Variants in IBTK observed in about 807,000 individuals in gnomAD.
IBTK encodes the protein BTK-binding protein.
A neutral mutation model predicts 154.9 loss-of-function variants in IBTK; 83 were observed. That is an observed-to-expected ratio of 0.54 (90% CI 0.45 to 0.64). The LOEUF (loss-of-function observed/expected upper bound fraction) is 0.64. IBTK is among the 30% of genes least tolerant of loss of function. The probability of loss-of-function intolerance (pLI) is 0.00; values close to 1 mark genes in which losing one functional copy is unlikely to be tolerated. For missense variants in IBTK, 1,332 were observed against 1,584.6 expected, an observed-to-expected ratio of 0.84 and a Z score of 2.71; for synonymous variants, 515 against 536.1, an observed-to-expected ratio of 0.96 and a Z score of 0.54.
intron 1 of IBTK, among the ~76,000 whole-genome samples, chr6:82,243,065 C>T (rs1186037254): frequency 5.9e-5 from 9 of 151,788 alleles, no homozygotes; most frequent in Non-Finnish European, 1.2e-4. Flanking sequence ...CACGGTGAAA[C>T]CTCGTCTCTA....
intron 4 of IBTK, among the ~76,000 whole-genome samples, chr6:82,229,972 A>C (rs1770446851): frequency 6.6e-6 from 1 of 152,136 alleles, no homozygotes; most frequent in Admixed American, 6.6e-5. Flanking sequence ...TAGTTTAAAA[A>C]ATAGTGTTCT....
In IBTK at chr6:82,194,510, T is replaced by C; in HGVS notation, c.3307A>G (p.Ser1103Gly). 2.5e-6 allele frequency: 4 copies of C among 1,598,968 alleles called. No homozygotes were observed. The highest frequency in any genetic ancestry group is 3.4e-6 in the Non-Finnish European group (4 of 1,172,686). ...GAACCAGCAACCCAACTGGCAGAGC[T>C]GGTAGTATCAATTCTGTTACTGGGA... is the stretch of plus-strand genomic sequence containing the variant. Reference protein sequence around the residue: ...PIPSNRIDTTSSASWVAGSFS... With the variant: ...PIPSNRIDTTGSASWVAGSFS... The change falls in exon 23 of 29, where the codon AGC (serine) becomes GGC (glycine). Residue 1103 changes from serine to glycine, a missense_variant. Transcript: ENST00000306270.
At chr6:82,208,054 C>A (rs1769476405) in intron 16 of IBTK, among the ~76,000 whole-genome samples, 2 of 150,482 alleles carry the variant, frequency 1.3e-5, no homozygotes, top group Non-Finnish European at 2.9e-5. Flanking sequence ...AGCATGGCCA[C>A]TACACTGATA....
chr6:82,194,648 G>GA lies in IBTK; in HGVS notation c.3175-7dup, dbSNP rs1272215299. ...ACATACGGTTTGACTTTCGCCTGGG[G>GA]AGAGAAAAAAAATAAAAAAAGTTAA... On this transcript the variant is annotated splice_region_variant and splice_polypyrimidine_tract_variant and intron_variant, in intron 22 of 28. Transcript: ENST00000306270. 5.1e-6 allele frequency: 8 copies of GA among 1,553,758 alleles called. No individual in the cohort carries two copies. Among genetic ancestry groups the GA allele is most frequent in the African/African-American group, 1.4e-5 (1 of 71,880 alleles).
chr6:82,231,860 T>C lies in IBTK; in HGVS notation c.419-18A>G. 7.2e-7 allele frequency: 1 copy of C among 1,385,268 alleles called. No homozygotes were observed. The highest frequency in any genetic ancestry group is 9.9e-7 in the Non-Finnish European group (1 of 1,008,596). The allele number at this position is 1,385,268 out of a possible 1,614,324, so 85.8% of individuals were successfully genotyped here. On this transcript the variant is annotated intron_variant, in intron 3 of 28. Coordinates refer to ENST00000306270, the MANE Select transcript of IBTK (RefSeq NM_015525.4). ...TGTAGGATCTAAAATAAAAATTAGT[T>C]TTTATACTTTTTTATATTTTAAAAC...
intron 26 of IBTK, among the ~76,000 whole-genome samples, chr6:82,180,845 T>C (rs1768294887): frequency 6.6e-6 from 1 of 152,206 alleles, no homozygotes. Flanking sequence ...CCAGTCTCTG[T>C]TCCTTGCTTC....
chr6:82,246,965 CTA>C (rs1200425520), intron 1 of IBTK, among the ~76,000 whole-genome samples: 2 of 152,164 alleles, frequency 1.3e-5, no homozygotes, highest in African/African-American at 2.4e-5. Flanking sequence ...CAAGGACGGC[CTA>C]TGTTACCTAA....
At chr6:82,174,915 C>T in intron 26 of IBTK, 1 of 453,844 alleles carries the variant, frequency 2.2e-6, no homozygotes, top group Admixed American at 2.4e-5. Flanking sequence ...TTTACTATTC[C>T]CCTTATTCTG....
intron 26 of IBTK, among the ~76,000 whole-genome samples, chr6:82,178,306 T>C (rs187281594): frequency 2.6e-5 from 4 of 152,352 alleles, no homozygotes; most frequent in Non-Finnish European, 4.4e-5. Flanking sequence ...AGTGATCAAC[T>C]ATGAAACCAC....
chr6:82,227,044 A>G, intron 5 of IBTK, 148 bp downstream of exon 5: 2 of 534,094 alleles, frequency 3.7e-6, no homozygotes, highest in South Asian at 5.7e-5. Context: ...TAAACATGAT[A>G]TATCAGGAAA....
At chr6:82,190,450 G>A (rs1768723781) in intron 25 of IBTK, among the ~76,000 whole-genome samples, 1 of 152,144 alleles carries the variant, frequency 6.6e-6, no homozygotes, top group African/African-American at 2.4e-5. Flanking sequence ...AGAAAAGGAA[G>A]GATGGAACGG....
chr6:82,201,430 G>A lies in IBTK; in HGVS notation c.2782C>T (p.Arg928Trp), dbSNP rs1239995570. The A allele has an allele frequency of 1.1e-5, 17 of 1,606,844 alleles. No individual in the cohort carries two copies. The highest frequency in any genetic ancestry group is 3.4e-5 in the Admixed American group (2 of 59,362). ...GVLKDLSEFY[R>W]KMIPAMDRRV... ...TAAAACATAAACCTTACCATTTTCC[G>A]GTAAAACTCAGAAAGATCCTTCAAA... Residue 928 changes from arginine (R) to tryptophan (W), a missense_variant, in exon 19 of 29, where the codon CGG (arginine) becomes TGG (tryptophan). Transcript: ENST00000306270.
At chr6:82,205,558 A>T (rs1769374190) in intron 16 of IBTK, 1 of 152,322 alleles carries the variant, frequency 6.6e-6, no homozygotes. Context: ...ACTTAAGACC[A>T]GGAGTTTGAG....
intron 3 of IBTK, 22 bp from the exon 4 acceptor site, chr6:82,231,864 A>T (rs546970459): frequency 2.9e-6 from 4 of 1,393,188 alleles, no homozygotes; most frequent in Admixed American, 2.1e-5. Flanking sequence ...ATTAGTTTTT[A>T]TACTTTTTTA....
At chr6:82,183,713 T>C (rs970724440) in intron 25 of IBTK, among the ~76,000 whole-genome samples, 3 of 152,202 alleles carry the variant, frequency 2.0e-5, no homozygotes, top group African/African-American at 4.8e-5. Context: ...AAACCAATTA[T>C]GGTAATCAGG....
At chr6:82,202,428 G>A (rs1769243161) in intron 18 of IBTK, 100 bp downstream of exon 18, 3 of 724,176 alleles carry the variant, frequency 4.1e-6, no homozygotes, top group Non-Finnish European at 7.2e-6. Flanking sequence ...TTTCCATCCA[G>A]GTAAACATCA....
chr6:82,207,892 T>C (rs773510621), intron 16 of IBTK, among the ~76,000 whole-genome samples: 1 of 152,158 alleles, frequency 6.6e-6, no homozygotes, highest in Non-Finnish European at 1.5e-5. Flanking sequence ...AGAATAAACT[T>C]GGACCCATAG....
At chr6:82,207,461 C>A (rs1326066525) in intron 16 of IBTK, among the ~76,000 whole-genome samples, 2 of 152,016 alleles carry the variant, frequency 1.3e-5, no homozygotes, top group African/African-American at 4.8e-5. Context: ...GGAAAGACAG[C>A]TGGTGTTAAT....
intron 2 of IBTK, among the ~76,000 whole-genome samples, chr6:82,234,544 G>A (rs1770646825): frequency 6.6e-6 from 1 of 151,770 alleles, no homozygotes. Context: ...CTCCATGTTG[G>A]TCAGGATGGT....
Sources: allele counts gnomAD v4.1 joint callset (sites outside exome capture counted in the v4.1 genomes callset), GRCh38; gene constraint gnomAD v4.1.1; transcripts MANE v1.5; gene names NCBI Gene and HGNC (gene_info 2026-07-23, HGNC 2026-07-21).